WWOX: variants seen among roughly 807,000 people sequenced by gnomAD.
WWOX encodes WW domain containing oxidoreductase.
WWOX carries 69 observed loss-of-function variants against 46.2 expected under a neutral mutation model. The observed-to-expected ratio is 1.49, with a 90% confidence interval of 1.23 to 1.82. The LOEUF is 1.82. Ranked by LOEUF, WWOX falls within the 40% of genes most tolerant of loss-of-function variation. The pLI is 0.00. For synonymous variants in WWOX, 359 were observed against 202.6 expected (o/e 1.77, Z -6.56); for missense variants, 919 against 542.6 (o/e 1.69, Z -6.89).
intron 4 of WWOX, chr16:78,119,036 A>AG (rs1441611070): frequency 6.6e-6 from 1 of 152,210 alleles, no homozygotes; most frequent in African/African-American, 2.4e-5. Flanking sequence ...CTCAGTATCC[A>AG]GGGGGAAGCC....
At chr16:78,731,967 C>T (rs1042295782) in intron 8 of WWOX, among the ~76,000 whole-genome samples, 2 of 151,678 alleles carry the variant, frequency 1.3e-5, no homozygotes, top group Non-Finnish European at 2.9e-5. Flanking sequence ...CTGCCTCAGC[C>T]ATCTGAGTAG....
intron 8 of WWOX, among the ~76,000 whole-genome samples, chr16:78,463,020 C>T (rs1482971869): frequency 6.6e-6 from 1 of 152,222 alleles, no homozygotes; most frequent in Non-Finnish European, 1.5e-5. Context: ...CATTTATGCA[C>T]ACTGGCTTTG....
intron 5 of WWOX, among the ~76,000 whole-genome samples, chr16:78,252,652 T>G (rs1465217391): frequency 1.3e-5 from 2 of 152,220 alleles, no homozygotes; most frequent in African/African-American, 4.8e-5. Flanking sequence ...TACCAGCGAT[T>G]AATTATGCCT....
At chr16:79,113,929 G>A (rs78130967) in intron 8 of WWOX, among the ~76,000 whole-genome samples, 296 of 152,316 alleles carry the variant, frequency 1.9e-3, no homozygotes, top group African/African-American at 6.8e-3. Flanking sequence ...AGGGCTGAGT[G>A]GCAGTCCTAA....
At chr16:78,611,742 A>G (rs2045905514) in intron 8 of WWOX, among the ~76,000 whole-genome samples, 1 of 152,206 alleles carries the variant, frequency 6.6e-6, no homozygotes, top group Non-Finnish European at 1.5e-5. Flanking sequence ...CATGTCGCTG[A>G]TGGTTGGCTG....
intron 8 of WWOX, among the ~76,000 whole-genome samples, chr16:78,618,590 G>C (rs1384556295): frequency 6.6e-6 from 1 of 152,140 alleles, no homozygotes; most frequent in Non-Finnish European, 1.5e-5. Context: ...GTCACATTGT[G>C]AGGTACTGGG....
intron 5 of WWOX, among the ~76,000 whole-genome samples, chr16:78,243,870 T>C (rs879608762): frequency 7.2e-5 from 11 of 152,214 alleles, no homozygotes; most frequent in East Asian, 1.9e-4. Context: ...TTTATGTGCA[T>C]GTGTACTCAA....
Position 78,541,406 on chromosome 16 carries a change from G to A in WWOX, c.1056+108654G>A, listed in dbSNP as rs1354867386. ...GGAGAATGGCGTGAACCCGGGAGGCGGAGCTTGCAGTGAGCCGAGAGCCCG... is the reference window on the plus strand; with the variant it reads ...GGAGAATGGCGTGAACCCGGGAGGCAGAGCTTGCAGTGAGCCGAGAGCCCG... On this transcript the variant is annotated intron_variant, in intron 8 of 8. Transcript: ENST00000566780. Among the ~76,000 whole-genome samples, 4 of 145,176 alleles carry A rather than the reference G, an allele frequency of 2.8e-5. No homozygotes were observed. The Admixed American group carries it at 2.8e-4, about 10-fold the overall frequency.
At chr16:78,308,231 G>A (rs989043606) in intron 5 of WWOX, among the ~76,000 whole-genome samples, 1 of 152,142 alleles carries the variant, frequency 6.6e-6, no homozygotes. Flanking sequence ...AGAGGTGATT[G>A]CCCCTTGCTA....
rs1416257195 is a variant in WWOX, at chr16:79,017,159, A to ATG, written c.1057-194449_1057-194448insTG. ...AAGTTACAGGTAGGCTGCCGGGCGC[A>ATG]GTGGCTCACGCCTGTAATCACAGCA... On this transcript the variant is annotated intron_variant, in intron 8 of 8. Coordinates refer to ENST00000566780, the MANE Select transcript of WWOX (RefSeq NM_016373.4). The ATG allele has an allele frequency of 1.2e-3, 183 of 152,338 alleles. 2 individuals carry two copies. Among genetic ancestry groups the ATG allele is most frequent in the South Asian group, 7.0e-3 (34 of 4,826 alleles). 9.4% of individuals were successfully genotyped at this position (152,338 alleles called of 1,614,324 possible). A position where few individuals can be genotyped will look rare whatever the true frequency, so the allele number is the denominator to read the frequency against.
intron 1 of WWOX, among the ~76,000 whole-genome samples, chr16:78,104,558 T>C (rs576206358): frequency 6.6e-6 from 1 of 152,278 alleles, no homozygotes; most frequent in East Asian, 1.9e-4. Context: ...TCACATAATA[T>C]GATGTTCACT....
Position 78,321,538 on chromosome 16 carries a change from A to G in WWOX, c.517-65322A>G, listed in dbSNP as rs180839664. On this transcript the variant is annotated intron_variant, in intron 5 of 8. Transcript: ENST00000566780. The stretch of plus-strand genomic sequence containing the variant: ...AGTCTGCCACGAGAATCCTTGTCTG[A>G]TGTTTGTGGGTGTGTAGGACTGAAT... 2.0e-5 allele frequency among the ~76,000 whole-genome samples: 3 copies of G among 151,812 alleles called. No homozygotes were observed. In the East Asian group the frequency reaches 5.8e-4, roughly 30 times the overall value.
chr16:78,163,983 A>G (rs2034883147), intron 4 of WWOX, among the ~76,000 whole-genome samples, 200 bp from the exon 5 acceptor site: 1 of 152,118 alleles, frequency 6.6e-6, no homozygotes, highest in Non-Finnish European at 1.5e-5. Flanking sequence ...GTGTTTACCC[A>G]CTAGATGCCA....
chr16:78,711,921 C>G (rs1336189016), intron 8 of WWOX, among the ~76,000 whole-genome samples: 1 of 152,152 alleles, frequency 6.6e-6, no homozygotes, highest in Admixed American at 6.5e-5. Context: ...GAACAAAGCT[C>G]TCTTGGAAAA....
intron 8 of WWOX, among the ~76,000 whole-genome samples, chr16:78,906,768 C>G (rs960902301): frequency 6.6e-6 from 1 of 152,190 alleles, no homozygotes; most frequent in Non-Finnish European, 1.5e-5. Context: ...TGTTTTTGAT[C>G]ATGTGACAAG....
intron 8 of WWOX, among the ~76,000 whole-genome samples, chr16:78,777,926 T>C (rs971813367): frequency 2.0e-5 from 3 of 151,692 alleles, no homozygotes; most frequent in African/African-American, 7.3e-5. Context: ...ATACCTGTAG[T>C]TCCAACTGCT....
intron 4 of WWOX, among the ~76,000 whole-genome samples, chr16:78,135,417 A>G (rs1394328055): frequency 6.6e-6 from 1 of 152,226 alleles, no homozygotes; most frequent in Non-Finnish European, 1.5e-5. Flanking sequence ...TACAGTAGGC[A>G]GAATCTGGAT....
rs2151934070 is a variant in WWOX, at chr16:78,386,840, T to C, written c.517-20T>C. ...CACTTGCTGTTATTTATCATTTCTT[T>C]TTATTTTCTCTCATTGCAGCATAAA... On this transcript the variant is annotated intron_variant, in intron 5 of 8. Transcript: ENST00000566780. 4 of 1,606,122 alleles carry C rather than the reference T, an allele frequency of 2.5e-6. No homozygotes were observed. The highest frequency in any genetic ancestry group is 3.3e-4 in the Middle Eastern group (2 of 6,054).
intron 5 of WWOX, among the ~76,000 whole-genome samples, chr16:78,314,475 G>A (rs899166760): frequency 8.1e-5 from 12 of 147,758 alleles, no homozygotes; most frequent in African/African-American, 2.7e-4. Context: ...CTGCCAGTAC[G>A]TTACAGCAAC....
Sources: allele counts gnomAD v4.1 joint callset (sites outside exome capture counted in the v4.1 genomes callset), GRCh38; gene constraint gnomAD v4.1.1; transcripts MANE v1.5; gene names NCBI Gene and HGNC (gene_info 2026-07-23, HGNC 2026-07-21).